The following BAZ1B variants were observed in gnomAD, a reference collection of about 807,000 sequenced individuals.
The protein encoded by BAZ1B is bromodomain adjacent to zinc finger domain 1B.
BAZ1B carries 22 observed loss-of-function variants against 153.8 expected under a neutral mutation model. The ratio of observed to expected loss-of-function variants is 0.14; its 90% confidence interval spans 0.10 to 0.20. The LOEUF (loss-of-function observed/expected upper bound fraction) is 0.20. Ranked by LOEUF, BAZ1B falls within the 10% of genes least tolerant of loss-of-function variation. The pLI, the probability that BAZ1B is intolerant of heterozygous loss-of-function variation, is 1.00. For missense variants in BAZ1B, 1,325 were observed against 1,799.3 expected (o/e 0.74, Z 4.77); for synonymous variants, 676 against 633.4 (o/e 1.07, Z -1.01).
intron 2 of BAZ1B, among the ~76,000 whole-genome samples, chr7:73,509,498 T>C (rs1004139331): frequency 7.9e-5 from 12 of 151,898 alleles, no homozygotes; most frequent in Non-Finnish European, 1.5e-4. Context: ...GGTGGGAGGA[T>C]TGCTTGAGCC....
At chr7:73,497,667 T>C (rs1203647295) in intron 4 of BAZ1B, among the ~76,000 whole-genome samples, 1 of 151,996 alleles carries the variant, frequency 6.6e-6, no homozygotes, top group Non-Finnish European at 1.5e-5. Flanking sequence ...ATACATTCAT[T>C]GAAAAAATAT....
At chr7:73,521,132 A>G (rs978897263) in intron 1 of BAZ1B, among the ~76,000 whole-genome samples, 1 of 152,040 alleles carries the variant, frequency 6.6e-6, no homozygotes, top group Non-Finnish European at 1.5e-5. Flanking sequence ...ACAAATACCA[A>G]TCTCCTTCTA....
At chr7:73,473,004 C>T (rs782765733) in intron 7 of BAZ1B, among the ~76,000 whole-genome samples, 68 of 149,478 alleles carry the variant, frequency 4.5e-4, no homozygotes, top group Non-Finnish European at 8.0e-4. Flanking sequence ...GTACGGTGGC[C>T]GATCTTGGCT....
chr7:73,497,084 C>CAAAAAAAAA (rs71071939), intron 4 of BAZ1B, among the ~76,000 whole-genome samples: 1 of 112,236 alleles, frequency 8.9e-6, no homozygotes, highest in African/African-American at 4.0e-5. Context: ...AAAAAAAAAA[C>CAAAAAAAAA]CTACAAAAAT....
At chr7:73,455,271 GA>G (rs201494193) in intron 13 of BAZ1B, among the ~76,000 whole-genome samples, 1 of 151,498 alleles carries the variant, frequency 6.6e-6, no homozygotes, top group African/African-American at 2.4e-5. Context: ...AGATCTTTGT[GA>G]AAAAAAAGGA....
At chr7:73,505,090 C>T (rs1382980038) in intron 3 of BAZ1B, among the ~76,000 whole-genome samples, 3 of 152,120 alleles carry the variant, frequency 2.0e-5, no homozygotes, top group African/African-American at 7.2e-5. Flanking sequence ...GACTTAAATA[C>T]AAAGGAAGAT....
chr7:73,449,413 G>C (rs1787950870), intron 15 of BAZ1B, 129 bp downstream of exon 15: 3 of 1,128,346 alleles, frequency 2.7e-6, no homozygotes, highest in Non-Finnish European at 3.6e-6. Flanking sequence ...TACTGTAAAT[G>C]ATCAGGCTCT....
In BAZ1B at chr7:73,477,970, A is replaced by G. The variant is rs1436889547; in HGVS notation, c.1491T>C (p.Cys497=). The G allele has an allele frequency of 1.9e-6, 3 of 1,614,032 alleles. No individual in the cohort carries two copies. The East Asian group carries it at 6.7e-5, about 36-fold the overall frequency. The change falls in exon 7 of 20, where the codon TGT becomes TGC. Residue 497 remains cysteine, a synonymous_variant. Transcript: ENST00000339594. The surrounding 1 kb of genome is among the most constrained non-coding windows in gnomAD (Gnocchi z 5.6). ...DREDKRSALS[C]VISKTARLLS... ...GAAGACGAGCTGTTTTGGAGATAAC[A>G]CAGGACAGGGCGCTCCTCTTGTCCT...
intron 13 of BAZ1B, among the ~76,000 whole-genome samples, chr7:73,452,621 CTG>C (rs1421957265): frequency 6.6e-6 from 1 of 151,206 alleles, no homozygotes; most frequent in African/African-American, 2.4e-5. Flanking sequence ...ACTCGGGAGA[CTG>C]AGGCAGGAGA....
At chr7:73,479,242 C>T (rs1176878850) in intron 6 of BAZ1B, among the ~76,000 whole-genome samples, 1 of 152,044 alleles carries the variant, frequency 6.6e-6, no homozygotes, top group Admixed American at 6.5e-5. Context: ...GGCGCAGTGG[C>T]TCACCCCTGC....
chr7:73,458,198 G>A (rs1474722566), intron 13 of BAZ1B, among the ~76,000 whole-genome samples: 1 of 152,192 alleles, frequency 6.6e-6, no homozygotes, highest in Admixed American at 6.5e-5. Context: ...CAAGTAGAAA[G>A]AGTCAGAATT....
chr7:73,513,909 T>C (rs1193903883), intron 1 of BAZ1B, among the ~76,000 whole-genome samples: 1 of 152,000 alleles, frequency 6.6e-6, no homozygotes, highest in Non-Finnish European at 1.5e-5. Flanking sequence ...AGAGAGAATG[T>C]AAGAGAAATA....
At chr7:73,514,494 T>C (rs1417059920) in intron 1 of BAZ1B, among the ~76,000 whole-genome samples, 38 of 150,938 alleles carry the variant, frequency 2.5e-4, no homozygotes, top group Non-Finnish European at 4.0e-4. Context: ...GATCATGCCA[T>C]TGCACTGTAG....
At chr7:73,507,908 T>A (rs377162415) in intron 3 of BAZ1B, among the ~76,000 whole-genome samples, 4 of 152,114 alleles carry the variant, frequency 2.6e-5, no homozygotes, top group Non-Finnish European at 1.5e-5. Context: ...CTTATAATAA[T>A]TGATGGGAGG....
At position 73,498,620 on chromosome 7, in the gene BAZ1B, T is replaced by C. The variant is rs782236313; in HGVS notation, c.448A>G (p.Lys150Glu). The part of the protein sequence containing the change: ...LEKVDEEATE[K>E]KSDGACDSPS... ...GAATCACAGGCACCATCAGATTTCT[T>C]CTCAGTGGCCTCTTCATCCACTTTC... is the stretch of plus-strand genomic sequence containing the variant. Residue 150 changes from lysine (K) to glutamate (E), a missense_variant, in exon 4 of 20, where the codon AAG (lysine) becomes GAG (glutamate). Physicochemically the swap from Lys to Glu is moderately conservative, Grantham distance 56 (BLOSUM62 1). Coordinates refer to ENST00000339594, the MANE Select transcript of BAZ1B (RefSeq NM_032408.4). 13 of 1,614,176 alleles carry C rather than the reference T, an allele frequency of 8.1e-6. No individual in the cohort carries two copies. The highest frequency in any genetic ancestry group is 1.1e-5 in the Non-Finnish European group (13 of 1,180,020).
intron 3 of BAZ1B, among the ~76,000 whole-genome samples, chr7:73,506,786 G>T (rs1292124344): frequency 7.0e-6 from 1 of 141,848 alleles, no homozygotes; most frequent in South Asian, 2.4e-4. Context: ...GGGAGGCGGA[G>T]GTTGCAGTGA....
At chr7:73,454,540 T>C (rs1173846926) in intron 13 of BAZ1B, among the ~76,000 whole-genome samples, 1 of 152,182 alleles carries the variant, frequency 6.6e-6, no homozygotes, top group African/African-American at 2.4e-5. Context: ...GTATAAACAT[T>C]TGATAAGCTT....
At chr7:73,443,943 G>T in intron 17 of BAZ1B, 41 bp downstream of exon 17, 1 of 1,611,018 alleles carries the variant, frequency 6.2e-7, no homozygotes, top group Non-Finnish European at 8.5e-7. Context: ...TAGGGAATAA[G>T]AAACAGAAAG....
intron 7 of BAZ1B, among the ~76,000 whole-genome samples, chr7:73,472,241 AAC>A (rs1554572090): frequency 1.3e-5 from 2 of 152,034 alleles, no homozygotes; most frequent in African/African-American, 2.4e-5. Flanking sequence ...CTTCATCTGG[AAC>A]ACAGTTATAC....
Sources: allele counts gnomAD v4.1 joint callset (sites outside exome capture counted in the v4.1 genomes callset), GRCh38; gene constraint gnomAD v4.1.1; non-coding constraint Gnocchi (gnomAD v3.1); transcripts MANE v1.5; gene names NCBI Gene and HGNC (gene_info 2026-07-23, HGNC 2026-07-21).